PRR33: variants seen among roughly 807,000 people sequenced by gnomAD.
The protein encoded by PRR33 is proline rich 33.
Under a neutral mutation model 0.5 loss-of-function variants are expected in PRR33, and 1 was observed. That is an observed-to-expected ratio of 2.18 (90% CI 0.77 to 10.34). The LOEUF is 10.34. Ranked by LOEUF, PRR33 falls within the 30% of genes most tolerant of loss-of-function variation. The pLI, the probability that PRR33 is intolerant of heterozygous loss-of-function variation, is 0.13. For synonymous variants in PRR33, 226 were observed against 110.0 expected (o/e 2.06, Z -6.60); for missense variants, 552 against 251.8 (o/e 2.19, Z -8.07).
upstream of PRR33, among the ~76,000 whole-genome samples, chr11:1,896,297 T>C (rs895569267): frequency 9.2e-5 from 14 of 152,244 alleles, no homozygotes; most frequent in African/African-American, 3.4e-4. Context: ...TGGATGTCCC[T>C]ATTTATTCAG....
At chr11:1,893,449 C>CTGGATGGATGGA (rs572776479), upstream of PRR33, among the ~76,000 whole-genome samples, 21 of 145,482 alleles carry the variant, frequency 1.4e-4, no homozygotes, top group African/African-American at 3.6e-4. Flanking sequence ...GGCTGGCTGG[C>CTGGATGGATGGA]TGGATGGATG....
At chr11:1,891,395 G>C (rs924501328) in exon 1 of PRR33, 1 of 152,398 alleles carries the variant, frequency 6.6e-6, no homozygotes, top group Non-Finnish European at 1.5e-5. Flanking sequence ...AGCTGCTGGA[G>C]GGGTGGGGGC....
exon 1 of PRR33, chr11:1,890,138 C>T (rs1457194153): frequency 1.7e-5 from 12 of 717,106 alleles, no homozygotes; most frequent in Admixed American, 6.0e-5. Context: ...CCTGGGGCCC[C>T]ATGGCCCTGA....
exon 1 of PRR33, chr11:1,889,804 C>G (rs1240925633): frequency 1.1e-5 from 7 of 641,286 alleles, no homozygotes; most frequent in African/African-American, 1.8e-5. Context: ...GCACTAGCCT[C>G]TCTGGGCACT....
chr11:1,889,914 G>A, exon 1 of PRR33: 2 of 626,948 alleles, frequency 3.2e-6, no homozygotes, highest in Non-Finnish European at 2.9e-6. Context: ...GTGAGCCACT[G>A]GGACCAGGGG....
the PRR33 span, among the ~76,000 whole-genome samples, chr11:1,903,544 A>C: frequency 6.6e-6 from 1 of 152,214 alleles, no homozygotes; most frequent in African/African-American, 2.4e-5. Context: ...TGATGAGGCT[A>C]ATTAGGAGCC....
upstream of PRR33, among the ~76,000 whole-genome samples, chr11:1,893,814 G>T (rs1478052001): frequency 6.6e-6 from 1 of 151,110 alleles, no homozygotes. Context: ...GATGAATGGA[G>T]GGATGGATGT....
At chr11:1,890,571 G>A (rs1848958681) in exon 1 of PRR33, 2 of 708,930 alleles carry the variant, frequency 2.8e-6, no homozygotes, top group South Asian at 3.0e-5. Context: ...CATCGACGCA[G>A]CCGATATGAG....
chr11:1,893,745 G>A (rs28971510), upstream of PRR33, among the ~76,000 whole-genome samples: 67,608 of 150,816 alleles, frequency 0.45, 16,320 homozygotes, highest in East Asian at 0.81. Context: ...GTAGATGGAT[G>A]GATGGATGAA....
At chr11:1,912,363 T>C in the PRR33 span, among the ~76,000 whole-genome samples, 6 of 152,076 alleles carry the variant, frequency 3.9e-5, no homozygotes, top group Middle Eastern at 3.2e-3. Flanking sequence ...CTATGCAAGG[T>C]TTGAACTTCA....
exon 1 of PRR33, chr11:1,890,268 C>T (rs755638539): frequency 8.9e-5 from 63 of 711,544 alleles, no homozygotes; most frequent in East Asian, 5.7e-4. Context: ...AGCCACCATG[C>T]GGGGAGCCTC....
At chr11:1,912,643 C>T in the PRR33 span, among the ~76,000 whole-genome samples, 1 of 152,216 alleles carries the variant, frequency 6.6e-6, no homozygotes, top group African/African-American at 2.4e-5. Flanking sequence ...CTCACTCTGT[C>T]GCCCAGGCTG....
chr11:1,889,265 G>A (rs1324916939), exon 1 of PRR33: 1 of 681,356 alleles, frequency 1.5e-6, no homozygotes, highest in South Asian at 1.6e-5. Flanking sequence ...GGGCGTTGAA[G>A]CGAGGCCGGT....
the PRR33 span, among the ~76,000 whole-genome samples, chr11:1,900,973 A>G: frequency 6.6e-6 from 1 of 152,114 alleles, no homozygotes; most frequent in Non-Finnish European, 1.5e-5. Context: ...AGTTCAGCCT[A>G]CTCCCAGGAA....
the PRR33 span, among the ~76,000 whole-genome samples, chr11:1,913,124 T>C: frequency 6.6e-6 from 1 of 151,640 alleles, no homozygotes; most frequent in Non-Finnish European, 1.5e-5. Flanking sequence ...TCTTTGTTTT[T>C]TGGTTTTCCT....
the PRR33 span, among the ~76,000 whole-genome samples, chr11:1,898,606 A>G: frequency 2.0e-5 from 3 of 152,182 alleles, no homozygotes; most frequent in African/African-American, 7.2e-5. Context: ...AACAGTGCCC[A>G]TCTAGAAGAG....
chr11:1,894,485 C>T (rs907289085), upstream of PRR33, among the ~76,000 whole-genome samples: 1 of 152,186 alleles, frequency 6.6e-6, no homozygotes, highest in Non-Finnish European at 1.5e-5. Flanking sequence ...ACCCCCCCTG[C>T]CTCCACCTCC....
the PRR33 span, chr11:1,902,759 T>A: frequency 2.0e-5 from 3 of 152,142 alleles, no homozygotes; most frequent in African/African-American, 4.8e-5. Flanking sequence ...ACAAGTTTAC[T>A]AAGAAAGTAA....
At chr11:1,906,038 C>T in the PRR33 span, among the ~76,000 whole-genome samples, 1 of 148,274 alleles carries the variant, frequency 6.7e-6, no homozygotes, top group Non-Finnish European at 1.5e-5. Context: ...GTTGCCCAGG[C>T]TGGTCTTGAA....
Sources: gnomAD v4.1 joint callset for allele counts (sites outside exome capture counted in the v4.1 genomes callset) on GRCh38, gnomAD v4.1.1 for gene constraint, MANE v1.5 for transcripts, NCBI Gene and HGNC (gene_info 2026-07-23, HGNC 2026-07-21) for gene names.